NSD3: variants seen among roughly 807,000 people sequenced by gnomAD.
NSD3 encodes nuclear receptor binding SET domain protein 3, also known as histone-lysine N-methyltransferase NSD3.
Under a neutral mutation model 160.8 loss-of-function variants are expected in NSD3, and 24 were observed. The ratio of observed to expected loss-of-function variants is 0.15; its 90% CI spans 0.11 to 0.21. The LOEUF (loss-of-function observed/expected upper bound fraction) is 0.21. Ranked by LOEUF, NSD3 falls within the 10% of genes least tolerant of loss-of-function variation. NSD3 has a pLI of 1.00. For missense variants in NSD3, 1,157 were observed against 1,735.9 expected, an observed-to-expected ratio of 0.67 and a Z score of 5.93; for synonymous variants, 520 against 600.0, an observed-to-expected ratio of 0.87 and a Z score of 1.95.
intron 7 of NSD3, among the ~76,000 whole-genome samples, chr8:38,322,744 T>G (rs896462646): frequency 1.3e-5 from 2 of 152,230 alleles, no homozygotes; most frequent in Non-Finnish European, 2.9e-5. Context: ...TGAAATCTAG[T>G]GTGAATACAA....
intron 1 of NSD3, among the ~76,000 whole-genome samples, chr8:38,364,240 G>A (rs1300449148): frequency 6.6e-6 from 1 of 152,050 alleles, no homozygotes; most frequent in Admixed American, 6.6e-5. Flanking sequence ...TCGTGCCACT[G>A]CACTCCAGCC....
At position 38,286,471 on chromosome 8, in the gene NSD3, G is replaced by A. The variant is rs148807269; in HGVS notation, c.3501+2016C>T. Among the ~76,000 whole-genome samples, 591 of 152,280 alleles carry A rather than the reference G, an allele frequency of 3.9e-3. 1 individual carries two copies. Among genetic ancestry groups the A allele is most frequent in the African/African-American group, 0.014 (576 of 41,546 alleles). On this transcript the variant is annotated intron_variant, in intron 19 of 23. Coordinates refer to ENST00000317025, the MANE Select transcript of NSD3 (RefSeq NM_023034.2). ...CGGCACCTTGATTGCTACCTGGTGA[G>A]GTCCTCAGTAGAGGACCCAGTTAAG...
At chr8:38,337,237 C>T in intron 4 of NSD3, 68 bp downstream of exon 4, 1 of 1,357,338 alleles carries the variant, frequency 7.4e-7, no homozygotes, top group Middle Eastern at 2.0e-4. Context: ...CTTATATTCA[C>T]ATACAACATT....
rs1810168664 is a variant in NSD3 at position 38,334,757 on chromosome 8, CAA to C, written c.910+2546_910+2547del. 5.4e-5 allele frequency among the ~76,000 whole-genome samples: 6 copies of C among 111,242 alleles called. 1 individual carries two copies. Among genetic ancestry groups the C allele is most frequent in the Admixed American group, 1.7e-4 (2 of 11,846 alleles). 73.0% of individuals were successfully genotyped at this position (111,242 alleles called of 152,430 possible). A position where few individuals can be genotyped will look rare whatever the true frequency, so the allele number is the denominator to read the frequency against. On this transcript the variant is annotated intron_variant, in intron 4 of 23. Transcript: ENST00000317025. ...CCTGGGCAACAATCCATCTCAAAAA[CAA>C]ACAAACAAACAAAAAAAACAGGTGA... is the stretch of plus-strand genomic sequence containing the variant.
At chr8:38,359,775 A>G (rs1457609110) in intron 1 of NSD3, among the ~76,000 whole-genome samples, 1 of 152,208 alleles carries the variant, frequency 6.6e-6, no homozygotes, top group Non-Finnish European at 1.5e-5. Context: ...GAAATTACAA[A>G]TGCAAGTGAT....
At chr8:38,342,286 G>A (rs1810391698) in intron 2 of NSD3, among the ~76,000 whole-genome samples, 1 of 152,262 alleles carries the variant, frequency 6.6e-6, no homozygotes, top group East Asian at 1.9e-4. Flanking sequence ...GGCATTCAGA[G>A]ACAGAGACAA....
intron 2 of NSD3, among the ~76,000 whole-genome samples, chr8:38,343,192 CA>C (rs1228835829): frequency 4.3e-5 from 6 of 140,734 alleles, no homozygotes; most frequent in Non-Finnish European, 7.8e-5. Context: ...GACTCTGCCT[CA>C]AAAAAAAAAG....
In NSD3 at chr8:38,288,022, C is replaced by T. The variant is rs1808907571; in HGVS notation, c.3501+465G>A. 6.6e-6 allele frequency among the ~76,000 whole-genome samples: 1 copy of T among 151,792 alleles called. No individual in the cohort carries two copies. Among genetic ancestry groups the T allele is most frequent in the African/African-American group, 2.4e-5 (1 of 41,282 alleles). On this transcript the variant is annotated intron_variant, in intron 19 of 23. Transcript: ENST00000317025. The surrounding 1 kb of genome is among the most constrained non-coding windows in gnomAD (Gnocchi z 4.5). ...GCCAAGGCAGGAGAATTGCTTGAGT[C>T]CAGGAGTTTGAGACCAGCCTGGGCA...
At chr8:38,350,810 A>G (rs1401966672) in intron 1 of NSD3, among the ~76,000 whole-genome samples, 1 of 152,182 alleles carries the variant, frequency 6.6e-6, no homozygotes, top group Non-Finnish European at 1.5e-5. Flanking sequence ...AGATGCCTAC[A>G]TTATGTAATA....
At chr8:38,370,575 A>G (rs896368444) in intron 1 of NSD3, among the ~76,000 whole-genome samples, 12 of 152,190 alleles carry the variant, frequency 7.9e-5, no homozygotes, top group African/African-American at 2.9e-4. Context: ...AAATGCATAT[A>G]AAGTATATAT....
chr8:38,378,502 C>G (rs1311521083), intron 1 of NSD3, among the ~76,000 whole-genome samples: 2 of 152,256 alleles, frequency 1.3e-5, no homozygotes, highest in East Asian at 3.9e-4. Flanking sequence ...ATTAGCAGGG[C>G]GTGGTGGCGG....
intron 1 of NSD3, among the ~76,000 whole-genome samples, chr8:38,349,834 C>A (rs556775462): frequency 2.0e-5 from 3 of 151,720 alleles, no homozygotes; most frequent in Non-Finnish European, 4.4e-5. Flanking sequence ...ATCCCTCCCC[C>A]CTTTCCCCAC....
intron 1 of NSD3, among the ~76,000 whole-genome samples, chr8:38,361,584 T>A (rs1305892168): frequency 8.0e-5 from 12 of 150,448 alleles, no homozygotes; most frequent in African/African-American, 2.9e-4. Context: ...TGAAACCCCG[T>A]CTCTACTAAA....
rs1808536491 is a variant in NSD3 at position 38,273,640 on chromosome 8, T to C, written c.*2001A>G. 6.6e-6 allele frequency: 1 copy of C among 152,238 alleles called. No homozygotes were observed. 9.4% of individuals were successfully genotyped at this position (152,238 alleles called of 1,614,324 possible). ...TCATATACAAAATAAAATTTTAGTATGATAAAACCTAGCTTTTCTTATTTT... is the reference window on the plus strand; with the variant it reads ...TCATATACAAAATAAAATTTTAGTACGATAAAACCTAGCTTTTCTTATTTT... On this transcript the variant is annotated 3_prime_UTR_variant, in exon 24 of 24. Coordinates refer to ENST00000317025, the MANE Select transcript of NSD3 (RefSeq NM_023034.2).
intron 1 of NSD3, among the ~76,000 whole-genome samples, chr8:38,353,365 A>G (rs1810747657): frequency 6.6e-6 from 1 of 152,246 alleles, no homozygotes; most frequent in Admixed American, 6.5e-5. Context: ...CCAACTACAC[A>G]GGCAGAATTC....
chr8:38,279,845 C>T, intron 20 of NSD3, 164 bp from the exon 21 acceptor site: 1 of 682,046 alleles, frequency 1.5e-6, no homozygotes, highest in Non-Finnish European at 2.3e-6. Flanking sequence ...TAAGTTCTCT[C>T]CTTTATTTGA....
rs1262333603 is a variant in NSD3, at chr8:38,319,202, A to C, written c.1810-262T>G. 1 of 378,976 alleles carries C rather than the reference A, an allele frequency of 2.6e-6. No individual in the cohort carries two copies. The highest frequency in any genetic ancestry group is 2.1e-5 in the African/African-American group (1 of 47,378). The allele number at this position is 378,976 out of a possible 1,614,324, so 23.5% of individuals were successfully genotyped here. ...AGACTTTTCCCACCATTCCCTTGGT[A>C]TATGAAGAGAACAAGAATACTTTCC... On this transcript the variant is annotated intron_variant, in intron 8 of 23. Coordinates refer to ENST00000317025, the MANE Select transcript of NSD3 (RefSeq NM_023034.2). The surrounding 1 kb of genome is among the most constrained non-coding windows in gnomAD (Gnocchi z 4.1).
rs1266193776 is a variant in NSD3, at chr8:38,319,401, G to C, written c.1810-461C>G. ...CGCCTGCACTCACAGCTAAGTTGCT[G>C]GGAATCAGGACCCTCTCTGTAGAGA... On this transcript the variant is annotated intron_variant, in intron 8 of 23. Transcript: ENST00000317025. The surrounding 1 kb of genome is among the most constrained non-coding windows in gnomAD (Gnocchi z 4.1). 1 of 155,154 alleles carries C rather than the reference G, an allele frequency of 6.4e-6. No homozygotes were observed. The highest frequency in any genetic ancestry group is 1.4e-5 in the Non-Finnish European group (1 of 70,244). The allele number at this position is 155,154 out of a possible 1,614,324, so 9.6% of individuals were successfully genotyped here. A position where few individuals can be genotyped will look rare whatever the true frequency, so the allele number is the denominator to read the frequency against.
intron 2 of NSD3, 24 bp from the exon 3 acceptor site, chr8:38,338,631 T>C (rs772168433): frequency 1.5e-5 from 23 of 1,572,312 alleles, no homozygotes; most frequent in African/African-American, 1.4e-4. Flanking sequence ...TATAGGTAAG[T>C]AGAATAAAAT....
Sources: allele counts gnomAD v4.1 joint callset (sites outside exome capture counted in the v4.1 genomes callset), GRCh38; gene constraint gnomAD v4.1.1; non-coding constraint Gnocchi (gnomAD v3.1); transcripts MANE v1.5; gene names NCBI Gene and HGNC (gene_info 2026-07-23, HGNC 2026-07-21).